The following RERE variants were observed in gnomAD, a reference collection of about 807,000 sequenced individuals.
RERE encodes arginine-glutamic acid dipeptide repeats protein.
Under a neutral mutation model 146.1 loss-of-function variants are expected in RERE, and 40 were observed. The ratio of observed to expected loss-of-function variants is 0.27; its 90% confidence interval spans 0.21 to 0.36. RERE has a LOEUF of 0.36. Among genes scored for constraint, RERE ranks in the 10% least tolerant of loss-of-function variants. The pLI is 1.00. For missense variants in RERE, 1,933 were observed against 2,138.7 expected (o/e 0.90, Z 1.90); for synonymous variants, 1,003 against 866.0 (o/e 1.16, Z -2.78).
intron 4 of RERE, among the ~76,000 whole-genome samples, chr1:8,584,576 A>G (rs1570470620): frequency 6.6e-6 from 1 of 152,142 alleles, no homozygotes; most frequent in East Asian, 1.9e-4. Context: ...AACAAACTTC[A>G]GACCACAAAC....
At chr1:8,363,954 G>A in intron 15 of RERE, 102 bp downstream of exon 15, 1 of 1,095,746 alleles carries the variant, frequency 9.1e-7, no homozygotes, top group South Asian at 1.4e-5. Flanking sequence ...ACTTTGTCTG[G>A]TAAACAAGAC....
chr1:8,531,071 A>ATCTGTCC, intron 7 of RERE, among the ~76,000 whole-genome samples: 1 of 140,386 alleles, frequency 7.1e-6, no homozygotes, highest in South Asian at 2.2e-4. Context: ...CTATCTATCT[A>ATCTGTCC]ACTTTCTATC....
intron 10 of RERE, among the ~76,000 whole-genome samples, chr1:8,482,499 G>A (rs771190278): frequency 6.6e-6 from 1 of 151,690 alleles, no homozygotes; most frequent in African/African-American, 2.4e-5. Flanking sequence ...GGCTAACATG[G>A]TGAAACCCCG....
intron 1 of RERE, among the ~76,000 whole-genome samples, chr1:8,781,207 T>C (rs1315669509): frequency 6.6e-6 from 1 of 151,708 alleles, no homozygotes. Flanking sequence ...AATACAAAAA[T>C]TAGCTGGGCA....
intron 1 of RERE, among the ~76,000 whole-genome samples, chr1:8,704,542 T>C (rs1055088397): frequency 6.6e-6 from 1 of 152,218 alleles, no homozygotes; most frequent in African/African-American, 2.4e-5. Flanking sequence ...TCAGGTACTC[T>C]CTTTCCAATA....
At chr1:8,369,131 G>A (rs1384258898) in intron 12 of RERE, among the ~76,000 whole-genome samples, 1 of 152,164 alleles carries the variant, frequency 6.6e-6, no homozygotes, top group African/African-American at 2.4e-5. Context: ...AGCCCAGGAG[G>A]CTGAGGCTGC....
At position 8,360,667 on chromosome 1, in the gene RERE, T is replaced by G. The variant is rs1570035642; in HGVS notation, c.2840A>C (p.His947Pro). ...TGAGGGCCCCGAGAGGTGGGGAGGG[T>G]GCTTGTGGGCCTGTGGCGCCGGCAG... ...PQLPAPQAHKHPPHLSGPSPF... is the reference protein window; with the variant it reads ...PQLPAPQAHKPPPHLSGPSPF... Residue 947 changes from histidine (H) to proline (P), a missense_variant, in exon 18 of 23, where the codon CAC (histidine) becomes CCC (proline). Physicochemically the swap from His to Pro is moderately conservative, Grantham distance 77. This residue lies in a region of RERE where 1,255 missense variants were observed against 1,153.8 expected (regional missense o/e 1.09). Coordinates refer to ENST00000400908, the MANE Select transcript of RERE (RefSeq NM_001042681.2). 5 of 1,507,224 alleles carry G rather than the reference T, an allele frequency of 3.3e-6. No individual in the cohort carries two copies. The highest frequency in any genetic ancestry group is 2.4e-5 in the East Asian group (1 of 41,274). 93.4% of individuals were successfully genotyped at this position (1,507,224 alleles called of 1,614,324 possible).
intron 1 of RERE, among the ~76,000 whole-genome samples, chr1:8,815,695 A>AAGC (rs1162274194): frequency 6.6e-6 from 1 of 152,140 alleles, no homozygotes; most frequent in Non-Finnish European, 1.5e-5. Context: ...TGTAACAGAA[A>AAGC]AGCACCCTCC....
At position 8,561,367 on chromosome 1, in the gene RERE, T is replaced by C. The variant is rs143668804; in HGVS notation, c.523-3844A>G. Among the ~76,000 whole-genome samples, 6 of 152,276 alleles carry C rather than the reference T, an allele frequency of 3.9e-5. No homozygotes were observed. In the East Asian group the frequency reaches 7.7e-4, roughly 20 times the overall value. On this transcript the variant is annotated intron_variant, in intron 4 of 22. Coordinates refer to ENST00000400908, the MANE Select transcript of RERE (RefSeq NM_001042681.2). ...CTGTAATATCCACAATCTTTCTAAATAGGCCGGTAACTTAATTAAAAATGA... is the reference window on the plus strand; with the variant it reads ...CTGTAATATCCACAATCTTTCTAAACAGGCCGGTAACTTAATTAAAAATGA...
chr1:8,417,113 C>A (rs1643798234), intron 12 of RERE, among the ~76,000 whole-genome samples: 1 of 152,186 alleles, frequency 6.6e-6, no homozygotes, highest in South Asian at 2.1e-4. Flanking sequence ...TTAGATTAAG[C>A]ATTAATGAGG....
intron 8 of RERE, among the ~76,000 whole-genome samples, chr1:8,506,814 A>G (rs1645255712): frequency 6.6e-6 from 1 of 152,242 alleles, no homozygotes; most frequent in Non-Finnish European, 1.5e-5. Flanking sequence ...TCATTGTAAG[A>G]TCCACTGTTA....
rs183943824 is a variant in RERE, at chr1:8,523,331, G to A, written c.831-14656C>T. On this transcript the variant is annotated intron_variant, in intron 7 of 22. Coordinates refer to ENST00000400908, the MANE Select transcript of RERE (RefSeq NM_001042681.2). ...GTGAGGCTCCCTCAGATTCGAATTCGAGATTCTATTACAATGATAAGAACA... is the reference window on the plus strand; with the variant it reads ...GTGAGGCTCCCTCAGATTCGAATTCAAGATTCTATTACAATGATAAGAACA... Among the ~76,000 whole-genome samples, 10 of 152,320 alleles carry A rather than the reference G, an allele frequency of 6.6e-5. No individual in the cohort carries two copies. The East Asian group carries it at 1.9e-3, about 29-fold the overall frequency.
intron 1 of RERE, among the ~76,000 whole-genome samples, chr1:8,718,148 G>A (rs1026850637): frequency 5.3e-5 from 8 of 152,210 alleles, no homozygotes; most frequent in Non-Finnish European, 8.8e-5. Flanking sequence ...TACTAAAGCA[G>A]AATGTGAGAG....
At chr1:8,660,207 G>A (rs747896118) in intron 1 of RERE, among the ~76,000 whole-genome samples, 24 of 151,928 alleles carry the variant, frequency 1.6e-4, no homozygotes, top group Admixed American at 5.9e-4. Context: ...CAGCTCAATG[G>A]GAATATATTT....
intron 3 of RERE, among the ~76,000 whole-genome samples, chr1:8,618,018 T>C (rs1235446727): frequency 6.6e-6 from 1 of 152,226 alleles, no homozygotes; most frequent in Non-Finnish European, 1.5e-5. Flanking sequence ...ATCAAACAAC[T>C]ACTACTAAAG....
chr1:8,790,787 T>C (rs181937416), intron 1 of RERE, among the ~76,000 whole-genome samples: 3 of 152,348 alleles, frequency 2.0e-5, no homozygotes, highest in Admixed American at 6.5e-5. Context: ...GTTTTGGCCA[T>C]GTTGGCCAGG....
rs937859672 is a variant in RERE, at chr1:8,770,611, T to A, written c.-145+46549A>T. On this transcript the variant is annotated intron_variant, in intron 1 of 22. Coordinates refer to ENST00000400908, the MANE Select transcript of RERE (RefSeq NM_001042681.2). The stretch of plus-strand genomic sequence containing the variant: ...AGAACAAGGGAAGGGTACAGTGACG[T>A]AGAACAACACTGTGGCAAACTGTAA... Among the ~76,000 whole-genome samples the A allele has an allele frequency of 7.2e-5, 11 of 152,316 alleles. No individual in the cohort carries two copies. The East Asian group carries it at 7.7e-4, about 11-fold the overall frequency.
chr1:8,383,100 T>C (rs1244757345), intron 12 of RERE, among the ~76,000 whole-genome samples: 2 of 151,594 alleles, frequency 1.3e-5, no homozygotes, highest in South Asian at 2.1e-4. Flanking sequence ...CAGTGCCTTA[T>C]GTAGTCAAAG....
chr1:8,501,669 G>A (rs1570351087), intron 8 of RERE, among the ~76,000 whole-genome samples: 1 of 112,864 alleles, frequency 8.9e-6, no homozygotes, highest in Non-Finnish European at 1.9e-5. Context: ...GAGGTGGGGG[G>A]TCAGCCCCCC....
Sources: gnomAD v4.1 joint callset for allele counts (sites outside exome capture counted in the v4.1 genomes callset) on GRCh38, gnomAD v4.1.1 for gene constraint, gnomAD v4.1.1 regional missense constraint, MANE v1.5 for transcripts, NCBI Gene and HGNC (gene_info 2026-07-23, HGNC 2026-07-21) for gene names.